Variants in CPA6 observed in about 807,000 individuals in gnomAD.
CPA6 encodes carboxypeptidase A6.
CPA6 carries 58 observed loss-of-function variants against 63.3 expected under a neutral mutation model. That is an observed-to-expected ratio of 0.92 (90% CI 0.74 to 1.14). The LOEUF is 1.14. Ranked by LOEUF, CPA6 falls within the 50% of genes most tolerant of loss-of-function variation. The probability of loss-of-function intolerance (pLI) is 0.00; values close to 1 mark genes in which losing one functional copy is unlikely to be tolerated. For synonymous variants in CPA6, 185 were observed against 179.0 expected, an observed-to-expected ratio of 1.03 and a Z score of -0.27; for missense variants, 565 against 526.6, an observed-to-expected ratio of 1.07 and a Z score of -0.71.
chr8:67,509,420 T>C (rs1482872945), intron 5 of CPA6, 97 bp downstream of exon 5: 1 of 611,302 alleles, frequency 1.6e-6, no homozygotes, highest in Non-Finnish European at 2.9e-6. Context: ...TGAGACTCTA[T>C]AAAAGATCAT....
chr8:67,655,237 T>C (rs1035293027), intron 1 of CPA6, among the ~76,000 whole-genome samples: 9 of 152,288 alleles, frequency 5.9e-5, no homozygotes, highest in Admixed American at 2.0e-4. Context: ...ACCAACATGC[T>C]TCTACTTTAC....
chr8:67,728,110 A>C (rs928867110), intron 1 of CPA6, among the ~76,000 whole-genome samples: 1 of 143,196 alleles, frequency 7.0e-6, no homozygotes, highest in Non-Finnish European at 1.5e-5. Context: ...ACCCACAAAA[A>C]CCAACAAAAC....
chr8:67,545,563 C>CT (rs35213871), intron 2 of CPA6, among the ~76,000 whole-genome samples: 91 of 80,454 alleles, frequency 1.1e-3, no homozygotes, highest in Middle Eastern at 0.016. Context: ...GCTACTGTTA[C>CT]TTTTTTTTTT....
At chr8:67,735,549 A>G (rs1395117238) in intron 1 of CPA6, 2 of 152,210 alleles carry the variant, frequency 1.3e-5, no homozygotes, top group Admixed American at 1.3e-4. Flanking sequence ...TTGTGACAGG[A>G]TGTGTCTACA....
chr8:67,558,280 A>C (rs1454096307), intron 2 of CPA6, among the ~76,000 whole-genome samples: 1 of 152,158 alleles, frequency 6.6e-6, no homozygotes, highest in African/African-American at 2.4e-5. Context: ...CACCCAAAGA[A>C]ATGCATTTCT....
chr8:67,439,696 G>A (rs1029662669), intron 8 of CPA6, among the ~76,000 whole-genome samples: 5 of 152,202 alleles, frequency 3.3e-5, no homozygotes, highest in Admixed American at 3.3e-4. Flanking sequence ...AAGTAACAGT[G>A]ATCATGAAGA....
In CPA6 at chr8:67,631,533, C is replaced by T. The variant is rs188329169; in HGVS notation, c.117-7282G>A. 3.9e-3 allele frequency among the ~76,000 whole-genome samples: 590 copies of T among 152,114 alleles called. 20 individuals are homozygous for T. The highest frequency in any genetic ancestry group is 0.036 in the Admixed American group (545 of 15,292). On this transcript the variant is annotated intron_variant, in intron 1 of 10. Coordinates refer to ENST00000297770, the MANE Select transcript of CPA6 (RefSeq NM_020361.5). ...AATGCACCAATCAGCACCGTCAAAA[C>T]GGACCAATCAGCTCTCTGTAAAATG...
intron 1 of CPA6, among the ~76,000 whole-genome samples, chr8:67,651,284 A>T (rs1318683744): frequency 6.6e-6 from 1 of 152,102 alleles, no homozygotes; most frequent in Non-Finnish European, 1.5e-5. Context: ...TGAAACACTG[A>T]TTTAAATGTT....
Position 67,650,844 on chromosome 8 carries a change from T to C in CPA6, c.117-26593A>G, listed in dbSNP as rs369047559. Among the ~76,000 whole-genome samples the C allele has an allele frequency of 6.6e-5, 10 of 152,224 alleles. 1 individual carries two copies. The highest frequency in any genetic ancestry group is 2.6e-4 in the Admixed American group (4 of 15,290). ...GATGGGTTGCCAGCAGGGGACCACT[T>C]GGTAGGTTTTAATGTACAGAGGCTG... On this transcript the variant is annotated intron_variant, in intron 1 of 10. Coordinates refer to ENST00000297770, the MANE Select transcript of CPA6 (RefSeq NM_020361.5).
chr8:67,534,700 G>T (rs1812547690), intron 2 of CPA6, among the ~76,000 whole-genome samples: 1 of 152,102 alleles, frequency 6.6e-6, no homozygotes, highest in Non-Finnish European at 1.5e-5. Flanking sequence ...AGTAGCACAT[G>T]CTTTGAAAAA....
At chr8:67,713,535 A>C (rs955850944) in intron 1 of CPA6, among the ~76,000 whole-genome samples, 1 of 152,164 alleles carries the variant, frequency 6.6e-6, no homozygotes, top group Non-Finnish European at 1.5e-5. Flanking sequence ...AAGAGTGAGG[A>C]GAAACCTCTC....
chr8:67,495,858 C>T (rs1452842495), intron 6 of CPA6, among the ~76,000 whole-genome samples: 1 of 152,072 alleles, frequency 6.6e-6, no homozygotes, highest in East Asian at 1.9e-4. Context: ...TGGCAAGTGT[C>T]TTCTCATTTT....
chr8:67,442,338 G>GTAATATAATA, intron 8 of CPA6, among the ~76,000 whole-genome samples: 1 of 151,694 alleles, frequency 6.6e-6, no homozygotes, highest in South Asian at 2.1e-4. Context: ...GTAATATGAT[G>GTAATATAATA]TAATATAATA....
chr8:67,537,085 G>C (rs769062434), intron 2 of CPA6, among the ~76,000 whole-genome samples: 25 of 152,168 alleles, frequency 1.6e-4, no homozygotes, highest in Admixed American at 1.3e-3. Flanking sequence ...TGTGCTGCTG[G>C]ATTCTGTTTG....
chr8:67,640,418 G>C (rs1483894373), intron 1 of CPA6, among the ~76,000 whole-genome samples: 1 of 151,438 alleles, frequency 6.6e-6, no homozygotes, highest in Non-Finnish European at 1.5e-5. Context: ...GCGCTGCCCT[G>C]AGTGTGCACA....
At chr8:67,736,941 C>G (rs754494089) in intron 1 of CPA6, among the ~76,000 whole-genome samples, 1 of 152,220 alleles carries the variant, frequency 6.6e-6, no homozygotes, top group Non-Finnish European at 1.5e-5. Context: ...TTGGTTCCCT[C>G]TTTTTTCTTC....
At chr8:67,518,246 T>C (rs1018379947) in intron 2 of CPA6, among the ~76,000 whole-genome samples, 199 bp from the exon 3 acceptor site, 30 of 152,184 alleles carry the variant, frequency 2.0e-4, no homozygotes, top group Admixed American at 1.6e-3. Context: ...CATATAGAAT[T>C]TGATCATAAT....
chr8:67,725,730 A>G (rs1309550137), intron 1 of CPA6, among the ~76,000 whole-genome samples: 2 of 152,024 alleles, frequency 1.3e-5, no homozygotes. Context: ...TTGCTGTGTC[A>G]CTCAGGCTGG....
intron 1 of CPA6, among the ~76,000 whole-genome samples, chr8:67,682,546 A>G (rs989520759): frequency 4.0e-5 from 6 of 151,744 alleles, no homozygotes; most frequent in African/African-American, 1.5e-4. Context: ...TGTAGCTCAT[A>G]TTTTCCTGCG....
Sources: gnomAD v4.1 joint callset for allele counts (sites outside exome capture counted in the v4.1 genomes callset) on GRCh38, gnomAD v4.1.1 for gene constraint, MANE v1.5 for transcripts, NCBI Gene and HGNC (gene_info 2026-07-23, HGNC 2026-07-21) for gene names.